FRMPD1: variants seen among roughly 807,000 people sequenced by gnomAD.
FRMPD1 encodes the protein FERM and PDZ domain containing 1.
Under a neutral mutation model 117.8 loss-of-function variants are expected in FRMPD1, and 76 were observed. The ratio of observed to expected loss-of-function variants is 0.65; its 90% CI spans 0.54 to 0.78. The LOEUF is 0.78. Ranked by LOEUF, FRMPD1 falls within the 30% of genes least tolerant of loss-of-function variation. The pLI is 0.00. For missense variants in FRMPD1, 1,786 were observed against 1,964.5 expected (o/e 0.91, Z 1.72); for synonymous variants, 783 against 770.4 (o/e 1.02, Z -0.27).
At chr9:37,637,349 T>C in the FRMPD1 span, 1 of 825,122 alleles carries the variant, frequency 1.2e-6, no homozygotes, top group Middle Eastern at 2.6e-4. Context: ...CGCCTCCCGT[T>C]CCAAGATGGT....
At chr9:37,637,969 TTTC>T in the FRMPD1 span, among the ~76,000 whole-genome samples, 3 of 70,798 alleles carry the variant, frequency 4.2e-5, 1 homozygote, top group African/African-American at 1.7e-4. Context: ...GTATGCTTTC[TTTC>T]TTTCTTTCTT....
chr9:37,704,515 A>C (rs2118125207), intron 2 of FRMPD1, among the ~76,000 whole-genome samples: 1 of 152,224 alleles, frequency 6.6e-6, no homozygotes, highest in East Asian at 1.9e-4. Flanking sequence ...CCTATTGAAG[A>C]AAGTAGCCCC....
chr9:37,633,619 G>A, the FRMPD1 span, among the ~76,000 whole-genome samples: 1 of 152,208 alleles, frequency 6.6e-6, no homozygotes, highest in African/African-American at 2.4e-5. Flanking sequence ...CAGCAGTGTG[G>A]GAGGCCAAGG....
chr9:37,736,858 AGTGTGTGTGT>A (rs60521691), intron 13 of FRMPD1, among the ~76,000 whole-genome samples: 1 of 148,102 alleles, frequency 6.8e-6, no homozygotes, highest in South Asian at 2.1e-4. Flanking sequence ...AGTGCGTGAG[AGTGTGTGTGT>A]GTGTGTGTGT....
chr9:37,700,663 G>C (rs1204099685), intron 2 of FRMPD1, among the ~76,000 whole-genome samples: 1 of 152,214 alleles, frequency 6.6e-6, no homozygotes, highest in Non-Finnish European at 1.5e-5. Context: ...AACCAGCTCA[G>C]TATAAACTTG....
chr9:37,641,386 T>G, the FRMPD1 span, among the ~76,000 whole-genome samples: 1 of 152,224 alleles, frequency 6.6e-6, no homozygotes. Flanking sequence ...CCCCAGAGCC[T>G]GTGCTAGGTG....
chr9:37,622,289 C>A, the FRMPD1 span, among the ~76,000 whole-genome samples: 19 of 152,146 alleles, frequency 1.2e-4, no homozygotes, highest in Non-Finnish European at 2.2e-4. Flanking sequence ...CAAATGTAAG[C>A]CAGCATTGTT....
intron 4 of FRMPD1, among the ~76,000 whole-genome samples, chr9:37,708,910 T>A (rs778726668): frequency 5.3e-5 from 8 of 152,204 alleles, no homozygotes; most frequent in Non-Finnish European, 8.8e-5. Context: ...TCTTGATATA[T>A]CTTCTTAAAT....
At chr9:37,724,911 G>A (rs888245078) in intron 7 of FRMPD1, among the ~76,000 whole-genome samples, 1 of 152,176 alleles carries the variant, frequency 6.6e-6, no homozygotes, top group African/African-American at 2.4e-5. Flanking sequence ...AAGGGGAAGA[G>A]TACCATCTCT....
chr9:37,609,270 C>G, the FRMPD1 span, among the ~76,000 whole-genome samples: 1 of 147,860 alleles, frequency 6.8e-6, no homozygotes, highest in Non-Finnish European at 1.5e-5. Flanking sequence ...CCAGCCTGGG[C>G]AACAAGAGCG....
the FRMPD1 span, among the ~76,000 whole-genome samples, chr9:37,642,667 C>CTGG: frequency 3.8e-4 from 58 of 152,336 alleles, no homozygotes; most frequent in African/African-American, 1.4e-3. Flanking sequence ...AAGCTATTCA[C>CTGG]ATTGCCTGGA....
intron 1 of FRMPD1, among the ~76,000 whole-genome samples, chr9:37,666,211 T>C (rs1821155876): frequency 6.6e-6 from 1 of 152,138 alleles, no homozygotes. Flanking sequence ...TTGGGTGTCT[T>C]CTTCACAGTT....
chr9:37,731,328 T>C (rs930624269), intron 9 of FRMPD1, among the ~76,000 whole-genome samples: 2 of 152,222 alleles, frequency 1.3e-5, no homozygotes, highest in African/African-American at 2.4e-5. Flanking sequence ...CAGTCCTCAA[T>C]GTAGATGATA....
the FRMPD1 span, among the ~76,000 whole-genome samples, chr9:37,640,210 G>A: frequency 6.6e-6 from 1 of 152,212 alleles, no homozygotes; most frequent in Admixed American, 6.5e-5. Context: ...GGACATCAAG[G>A]TGGTGCGTGT....
the FRMPD1 span, among the ~76,000 whole-genome samples, chr9:37,637,486 G>A: frequency 6.6e-6 from 1 of 152,134 alleles, no homozygotes; most frequent in African/African-American, 2.4e-5. Context: ...CACCACCACA[G>A]AGATACAGAA....
At chr9:37,724,135 C>T (rs895948658) in intron 6 of FRMPD1, 90 bp from the exon 7 acceptor site, 5 of 654,036 alleles carry the variant, frequency 7.6e-6, no homozygotes, top group Non-Finnish European at 1.1e-5. Flanking sequence ...GATCGTACCA[C>T]TGTTCTCCAG....
the FRMPD1 span, among the ~76,000 whole-genome samples, chr9:37,607,626 A>G: frequency 4.5e-4 from 69 of 152,358 alleles, 1 homozygote; most frequent in Admixed American, 7.2e-4. Flanking sequence ...TGTTTGAACC[A>G]TTCAACACCT....
chr9:37,646,570 T>C (rs1824144828), upstream of FRMPD1, among the ~76,000 whole-genome samples: 1 of 152,260 alleles, frequency 6.6e-6, no homozygotes, highest in South Asian at 2.1e-4. Flanking sequence ...AATTTACTTG[T>C]GTTCAGGTAA....
chr9:37,728,491 G>T (rs926688810), intron 7 of FRMPD1, among the ~76,000 whole-genome samples: 3 of 152,208 alleles, frequency 2.0e-5, no homozygotes, highest in Non-Finnish European at 2.9e-5. Flanking sequence ...CAGCATGTGC[G>T]AATGCTTCGA....
Sources: allele counts gnomAD v4.1 joint callset (sites outside exome capture counted in the v4.1 genomes callset), GRCh38; gene constraint gnomAD v4.1.1; transcripts MANE v1.5; gene names NCBI Gene and HGNC (gene_info 2026-07-23, HGNC 2026-07-21).